Variants in SNX24 observed in about 807,000 individuals in gnomAD.
SNX24 encodes the protein sorting nexin-24.
Under a neutral mutation model 28.7 loss-of-function variants are expected in SNX24, and 22 were observed. The ratio of observed to expected loss-of-function variants is 0.77; its 90% CI spans 0.55 to 1.10. SNX24 has a LOEUF of 1.10. SNX24 is among the 50% of genes least tolerant of loss of function. The pLI is 0.00. For missense variants in SNX24, 221 were observed against 201.1 expected (o/e 1.10, Z -0.60); for synonymous variants, 69 against 71.5 (o/e 0.96, Z 0.18).
intron 3 of SNX24, among the ~76,000 whole-genome samples, chr5:122,982,223 G>T (rs1761423572): frequency 6.6e-6 from 1 of 152,194 alleles, no homozygotes; most frequent in African/African-American, 2.4e-5. Context: ...AGTGCTTCCT[G>T]TGTGGACTTG....
intron 1 of SNX24, among the ~76,000 whole-genome samples, chr5:122,865,750 T>A (rs1755691331): frequency 6.6e-6 from 1 of 152,226 alleles, no homozygotes; most frequent in Admixed American, 6.5e-5. Context: ...TTGGTGAGAC[T>A]GCAAGTTGGA....
chr5:123,023,928 T>A (rs772078652), intron 5 of SNX24: 8 of 1,613,968 alleles, frequency 5.0e-6, no homozygotes, highest in Non-Finnish European at 6.8e-6. Flanking sequence ...ATCTTGCCAC[T>A]GTTGATGATC....
chr5:123,020,761 GAT>G (rs1762750490), intron 5 of SNX24, among the ~76,000 whole-genome samples: 1 of 46,978 alleles, frequency 2.1e-5, no homozygotes, highest in Admixed American at 1.7e-4. Flanking sequence ...GCAGCTAAAT[GAT>G]GTTTGTTTTC....
intron 5 of SNX24, among the ~76,000 whole-genome samples, 162 bp downstream of exon 5, chr5:123,001,599 G>A (rs1762248926): frequency 6.6e-6 from 1 of 152,184 alleles, no homozygotes; most frequent in Non-Finnish European, 1.5e-5. Context: ...TAACCAGTTA[G>A]AATTAAGAGT....
intron 2 of SNX24, among the ~76,000 whole-genome samples, chr5:122,940,153 C>T (rs2150120267): frequency 6.6e-6 from 1 of 152,030 alleles, no homozygotes; most frequent in African/African-American, 2.4e-5. Context: ...GCCACCATGC[C>T]TGGCTAATTT....
chr5:122,864,265 TAGC>T (rs1419160042), intron 1 of SNX24, among the ~76,000 whole-genome samples: 1 of 152,158 alleles, frequency 6.6e-6, no homozygotes, highest in Non-Finnish European at 1.5e-5. Context: ...GGATTCCTGA[TAGC>T]TCTTGGTGAT....
intron 1 of SNX24, among the ~76,000 whole-genome samples, chr5:122,851,937 G>T (rs970356222): frequency 5.3e-5 from 8 of 151,866 alleles, no homozygotes; most frequent in African/African-American, 1.9e-4. Context: ...AAATATTACC[G>T]CAAAATTATC....
chr5:123,029,305 C>G, exon 6 of SNX24: 1 of 1,614,036 alleles, frequency 6.2e-7, no homozygotes, highest in Non-Finnish European at 8.5e-7. Context: ...TGAGACATAC[C>G]TCTCCTGTTG....
At chr5:123,028,880 A>G (rs1438142288) in intron 5 of SNX24, 1 of 1,575,706 alleles carries the variant, frequency 6.3e-7, no homozygotes, top group Non-Finnish European at 8.7e-7. Flanking sequence ...TAAAGAGATT[A>G]CTTCAGTTGA....
At chr5:122,936,191 A>G (rs938791533) in intron 1 of SNX24, among the ~76,000 whole-genome samples, 34 of 152,198 alleles carry the variant, frequency 2.2e-4, no homozygotes, top group African/African-American at 7.5e-4. Context: ...AGCCTTTACT[A>G]CATTTTGCCT....
intron 1 of SNX24, among the ~76,000 whole-genome samples, chr5:122,882,759 A>G (rs1756538395): frequency 6.6e-6 from 1 of 152,170 alleles, no homozygotes; most frequent in Admixed American, 6.5e-5. Flanking sequence ...TCTTACAATT[A>G]ATCTCTCAAT....
At chr5:122,914,290 C>T (rs1302619518) in intron 1 of SNX24, among the ~76,000 whole-genome samples, 5 of 152,192 alleles carry the variant, frequency 3.3e-5, no homozygotes, top group Non-Finnish European at 4.4e-5. Flanking sequence ...TTGCTGGATT[C>T]GGTTTGCCAG....
At chr5:122,984,904 T>C (rs1761533030) in intron 3 of SNX24, among the ~76,000 whole-genome samples, 1 of 152,104 alleles carries the variant, frequency 6.6e-6, no homozygotes, top group African/African-American at 2.4e-5. Flanking sequence ...TTAAAAAGTT[T>C]AGTGAACAAA....
At chr5:122,994,202 C>T (rs1322179134) in intron 3 of SNX24, among the ~76,000 whole-genome samples, 2 of 152,254 alleles carry the variant, frequency 1.3e-5, no homozygotes, top group South Asian at 4.1e-4. Context: ...TAATTGGCTG[C>T]TGGGTAGGTT....
At chr5:122,894,199 A>G (rs1303234950) in intron 1 of SNX24, among the ~76,000 whole-genome samples, 1 of 152,168 alleles carries the variant, frequency 6.6e-6, no homozygotes, top group African/African-American at 2.4e-5. Flanking sequence ...ATATAAAGAT[A>G]TTTTTGGAAA....
At chr5:123,015,223 GCAGCCTATGTTCTGGCCCCCAGTT>G (rs1391423125) in intron 5 of SNX24, among the ~76,000 whole-genome samples, 1 of 152,306 alleles carries the variant, frequency 6.6e-6, no homozygotes, top group East Asian at 1.9e-4. Context: ...TGGGTGGATG[GCAGCCTATGTTCTGGCCCCCAGTT>G]CAGTGCTGGC....
chr5:122,927,207 C>T (rs1444289177), intron 1 of SNX24, among the ~76,000 whole-genome samples: 1 of 152,136 alleles, frequency 6.6e-6, no homozygotes, highest in Admixed American at 6.5e-5. Context: ...AAACAACTTG[C>T]TCCAAATCAT....
intron 1 of SNX24, among the ~76,000 whole-genome samples, chr5:122,922,342 C>T (rs1441553014): frequency 6.6e-6 from 1 of 151,930 alleles, no homozygotes; most frequent in Non-Finnish European, 1.5e-5. Flanking sequence ...AACTTCTGCC[C>T]CCCAGATTCA....
At chr5:123,025,418 C>T (rs1246326783) in intron 5 of SNX24, among the ~76,000 whole-genome samples, 1 of 152,176 alleles carries the variant, frequency 6.6e-6, no homozygotes, top group African/African-American at 2.4e-5. Flanking sequence ...CTTCCTACGA[C>T]TGGTTTATTT....
Sources: gnomAD v4.1 joint callset for allele counts (sites outside exome capture counted in the v4.1 genomes callset) on GRCh38, gnomAD v4.1.1 for gene constraint, MANE v1.5 for transcripts, NCBI Gene and HGNC (gene_info 2026-07-23, HGNC 2026-07-21) for gene names.